ANKFN1: variants seen among roughly 807,000 people sequenced by gnomAD.
ANKFN1 encodes ankyrin repeat and fibronectin type III domain containing 1.
ANKFN1 carries 74 observed loss-of-function variants against 108.7 expected under a neutral mutation model. That is an observed-to-expected ratio of 0.68 (90% confidence interval 0.56 to 0.83). ANKFN1 has a LOEUF of 0.83. ANKFN1 is among the 40% of genes least tolerant of loss of function. The probability of loss-of-function intolerance (pLI) is 0.00; values close to 1 mark genes in which losing one functional copy is unlikely to be tolerated. For synonymous variants in ANKFN1, 547 were observed against 516.2 expected (o/e 1.06, Z -0.81); for missense variants, 1,505 against 1,382.3 (o/e 1.09, Z -1.41).
chr17:56,449,937 G>T (rs987730034), intron 11 of ANKFN1, among the ~76,000 whole-genome samples: 2 of 152,152 alleles, frequency 1.3e-5, no homozygotes, highest in African/African-American at 4.8e-5. Context: ...CTCTGAGAAG[G>T]CTTTAAAAGC....
intron 8 of ANKFN1, among the ~76,000 whole-genome samples, chr17:56,412,499 G>C (rs983857034): frequency 6.6e-6 from 1 of 152,166 alleles, no homozygotes; most frequent in Non-Finnish European, 1.5e-5. Flanking sequence ...CTCTGTGTGG[G>C]TACCAACTAA....
At chr17:56,085,969 A>G (rs1487167174) in intron 4 of ANKFN1, among the ~76,000 whole-genome samples, 1 of 151,440 alleles carries the variant, frequency 6.6e-6, no homozygotes, top group Non-Finnish European at 1.5e-5. Context: ...GGAAATGTGA[A>G]GAACCTACAA....
At chr17:56,345,072 T>A (rs971656791) in intron 4 of ANKFN1, among the ~76,000 whole-genome samples, 8 of 151,968 alleles carry the variant, frequency 5.3e-5, no homozygotes, top group African/African-American at 1.9e-4. Context: ...GACCCCAGTG[T>A]GTGATGCTTC....
chr17:56,444,341 G>T (rs2049211294), intron 10 of ANKFN1, among the ~76,000 whole-genome samples: 1 of 152,114 alleles, frequency 6.6e-6, no homozygotes, highest in African/African-American at 2.4e-5. Flanking sequence ...GTGTGTCCAT[G>T]TGTCTTCATA....
chr17:56,251,435 A>T (rs1456802760), intron 3 of ANKFN1, among the ~76,000 whole-genome samples: 1 of 152,236 alleles, frequency 6.6e-6, no homozygotes, highest in Non-Finnish European at 1.5e-5. Context: ...ATGAAATCTT[A>T]TTAAAGTGCA....
At chr17:56,105,308 G>A (rs149241784) in intron 4 of ANKFN1, among the ~76,000 whole-genome samples, 1 of 152,270 alleles carries the variant, frequency 6.6e-6, no homozygotes, top group Non-Finnish European at 1.5e-5. Context: ...ACAGGCAGAG[G>A]ACGAGGTGGA....
chr17:56,060,054 A>G (rs147553336), intron 4 of ANKFN1, among the ~76,000 whole-genome samples: 4,981 of 152,238 alleles, frequency 0.033, 250 homozygotes, highest in African/African-American at 0.11. Context: ...GATTCTTCCT[A>G]TCCATGAGGA....
chr17:56,358,907 T>A (rs114819900), intron 6 of ANKFN1, among the ~76,000 whole-genome samples: 308 of 152,208 alleles, frequency 2.0e-3, no homozygotes, highest in African/African-American at 6.9e-3. Flanking sequence ...TCTGACTAAC[T>A]CGTATTCTGC....
intron 3 of ANKFN1, among the ~76,000 whole-genome samples, chr17:56,276,005 A>T (rs895525510): frequency 3.7e-4 from 56 of 152,168 alleles, no homozygotes; most frequent in African/African-American, 1.1e-3. Context: ...TCCTGATGCT[A>T]TCCCTCCCCT....
At chr17:56,385,316 A>G (rs2047228685) in intron 8 of ANKFN1, among the ~76,000 whole-genome samples, 1 of 152,226 alleles carries the variant, frequency 6.6e-6, no homozygotes, top group African/African-American at 2.4e-5. Flanking sequence ...TATAAAAATT[A>G]ATTCAAGATG....
chr17:56,155,691 A>G (rs1480397075), intron 1 of ANKFN1, among the ~76,000 whole-genome samples: 1 of 152,164 alleles, frequency 6.6e-6, no homozygotes, highest in Admixed American at 6.6e-5. Flanking sequence ...AGGCAAAGCA[A>G]GGTGCCTGGG....
chr17:56,407,759 A>G (rs1405088911), intron 8 of ANKFN1, among the ~76,000 whole-genome samples: 1 of 152,168 alleles, frequency 6.6e-6, no homozygotes, highest in African/African-American at 2.4e-5. Context: ...TTTTAGCTAC[A>G]TATTTCTGTA....
intron 19 of ANKFN1, among the ~76,000 whole-genome samples, chr17:56,493,092 A>G (rs751217476): frequency 6.6e-6 from 1 of 152,204 alleles, no homozygotes; most frequent in Non-Finnish European, 1.5e-5. Context: ...AATTTGATAA[A>G]CCTTTATTAA....
chr17:56,188,581 G>GTATATATATATATATATA lies in ANKFN1; in HGVS notation c.-70-23999_-70-23982dup, dbSNP rs61556880. Among the ~76,000 whole-genome samples, 72 of 49,640 alleles carry GTATATATATATATATATA rather than the reference G, an allele frequency of 1.5e-3. 2 individuals are homozygous for GTATATATATATATATATA. The highest frequency in any genetic ancestry group is 1.6e-3 in the Non-Finnish European group (48 of 29,618). The allele number at this position is 49,640 out of a possible 152,430, so 32.6% of individuals were successfully genotyped here. On this transcript the variant is annotated intron_variant, in intron 1 of 20. Transcript: ENST00000682825. Reference sequence around the variant, plus strand: ...TGTGTGTATGTGTGTGTGTGTGTGTGTATATATATATATATATATATATAT... The same window carrying GTATATATATATATATATA: ...TGTGTGTATGTGTGTGTGTGTGTGTGTATATATATATATATATATATATATATATATATATATATATAT...
intron 8 of ANKFN1, among the ~76,000 whole-genome samples, chr17:56,379,618 C>T (rs1290163262): frequency 6.6e-6 from 1 of 152,086 alleles, no homozygotes; most frequent in African/African-American, 2.4e-5. Flanking sequence ...GATATTTTTA[C>T]AGTTCAACAG....
chr17:56,139,019 A>T (rs902521132), intron 4 of ANKFN1, among the ~76,000 whole-genome samples: 1 of 152,192 alleles, frequency 6.6e-6, no homozygotes, highest in African/African-American at 2.4e-5. Flanking sequence ...TTAATCTATC[A>T]GATGATACAA....
intron 4 of ANKFN1, among the ~76,000 whole-genome samples, chr17:56,134,294 A>T (rs1331895762): frequency 6.6e-6 from 1 of 152,160 alleles, no homozygotes; most frequent in Non-Finnish European, 1.5e-5. Flanking sequence ...GCCAAACCAG[A>T]AACTCTCCAA....
chr17:56,199,922 C>G (rs962643193), intron 1 of ANKFN1, among the ~76,000 whole-genome samples: 6 of 152,186 alleles, frequency 3.9e-5, no homozygotes, highest in African/African-American at 1.4e-4. Context: ...AAGTTCACAT[C>G]TGGGATCACA....
chr17:56,422,734 C>T (rs2048450808), intron 8 of ANKFN1, among the ~76,000 whole-genome samples: 1 of 152,072 alleles, frequency 6.6e-6, no homozygotes, highest in Admixed American at 6.5e-5. Flanking sequence ...CATTACAATG[C>T]CCTGAAATTC....
Sources: gnomAD v4.1 joint callset for allele counts (sites outside exome capture counted in the v4.1 genomes callset) on GRCh38, gnomAD v4.1.1 for gene constraint, MANE v1.5 for transcripts, NCBI Gene and HGNC (gene_info 2026-07-23, HGNC 2026-07-21) for gene names.